GLP1R: variants seen among roughly 807,000 people sequenced by gnomAD.
GLP1R encodes glucagon like peptide 1 receptor, also known as glucagon-like peptide 1 receptor.
Under a neutral mutation model 68.4 loss-of-function variants are expected in GLP1R, and 32 were observed. The ratio of observed to expected loss-of-function variants is 0.47; its 90% confidence interval spans 0.35 to 0.63. The LOEUF (loss-of-function observed/expected upper bound fraction) is 0.63. GLP1R is among the 20% of genes least tolerant of loss of function. The probability of loss-of-function intolerance (pLI) is 0.00; values close to 1 mark genes in which losing one functional copy is unlikely to be tolerated. For synonymous variants in GLP1R, 263 were observed against 244.4 expected (o/e 1.08, Z -0.71); for missense variants, 502 against 594.9 (o/e 0.84, Z 1.62).
chr6:39,066,056 G>T, intron 4 of GLP1R, 141 bp from the exon 5 acceptor site: 1 of 624,964 alleles, frequency 1.6e-6, no homozygotes, highest in South Asian at 1.9e-5. Context: ...CGTAGGTTAC[G>T]GTTATTCTCT....
intron 1 of GLP1R, among the ~76,000 whole-genome samples, chr6:39,055,203 C>T (rs768902842): frequency 2.6e-5 from 4 of 152,132 alleles, no homozygotes; most frequent in African/African-American, 4.8e-5. Context: ...GTGCCCAGCA[C>T]GCTACAAGGC....
intron 11 of GLP1R, 97 bp from the exon 12 acceptor site, chr6:39,080,601 T>A: frequency 1.4e-6 from 1 of 706,810 alleles, no homozygotes; most frequent in Non-Finnish European, 2.4e-6. Flanking sequence ...GGGGAGGGGG[T>A]TGTTGAGGAT....
At chr6:39,059,989 C>G (rs979727383) in intron 3 of GLP1R, among the ~76,000 whole-genome samples, 9 of 152,150 alleles carry the variant, frequency 5.9e-5, no homozygotes, top group Non-Finnish European at 1.0e-4. Context: ...TTTCCCCAAC[C>G]CCGTCCCCCT....
chr6:39,056,340 G>A lies in GLP1R; in HGVS notation c.79-57G>A, dbSNP rs796827582. On this transcript the variant is annotated intron_variant, in intron 1 of 12. Transcript: ENST00000373256. ...GAAACCAAGTGTGTTAGGGGGTGAGGGGGCAGGAGAGGGGCTGGCTGAACC... is the reference window on the plus strand; with the variant it reads ...GAAACCAAGTGTGTTAGGGGGTGAGAGGGCAGGAGAGGGGCTGGCTGAACC... 2.2e-5 allele frequency: 19 copies of A among 870,170 alleles called. No homozygotes were observed. The African/African-American group carries it at 2.5e-4, about 11-fold the overall frequency. 53.9% of individuals were successfully genotyped at this position (870,170 alleles called of 1,614,324 possible).
At chr6:39,069,461 G>A (rs1376885276) in intron 5 of GLP1R, among the ~76,000 whole-genome samples, 6 of 152,134 alleles carry the variant, frequency 3.9e-5, no homozygotes, top group African/African-American at 9.6e-5. Flanking sequence ...GTGAAACCCC[G>A]TCTCTACTAA....
intron 1 of GLP1R, among the ~76,000 whole-genome samples, chr6:39,053,282 A>G (rs1768131379): frequency 6.6e-6 from 1 of 152,158 alleles, no homozygotes; most frequent in African/African-American, 2.4e-5. Flanking sequence ...GATGAAATGG[A>G]GGAGTGGGGG....
At position 39,054,368 on chromosome 6, in the gene GLP1R, C is replaced by T. The variant is rs114879263; in HGVS notation, c.79-2029C>T. On this transcript the variant is annotated intron_variant, in intron 1 of 12. Coordinates refer to ENST00000373256, the MANE Select transcript of GLP1R (RefSeq NM_002062.5). The stretch of plus-strand genomic sequence containing the variant: ...TGCCTGCAGGGGTGGGATGAAGGCT[C>T]GAAGGTATTTAGAAGCCCTGATCTG... 5.1e-3 allele frequency among the ~76,000 whole-genome samples: 768 copies of T among 152,048 alleles called. 6 individuals carry two copies. The highest frequency in any genetic ancestry group is 0.017 in the African/African-American group (697 of 41,450).
At chr6:39,071,345 CAAAAA>C (rs35740935) in intron 5 of GLP1R, among the ~76,000 whole-genome samples, 10 of 85,894 alleles carry the variant, frequency 1.2e-4, no homozygotes, top group South Asian at 4.3e-4. Flanking sequence ...GATTCCATCT[CAAAAA>C]AAAAAAAAAA....
intron 1 of GLP1R, among the ~76,000 whole-genome samples, chr6:39,052,495 G>T (rs1053469332): frequency 6.6e-6 from 1 of 152,120 alleles, no homozygotes; most frequent in African/African-American, 2.4e-5. Context: ...CCACCTCTGT[G>T]CCACCTCCTT....
Position 39,048,857 on chromosome 6 carries a change from GC to G in GLP1R, c.20del (p.Pro7ArgfsTer44). 6.7e-7 allele frequency: 1 copy of G among 1,493,082 alleles called. No individual in the cohort carries two copies. The highest frequency in any genetic ancestry group is 8.9e-7 in the Non-Finnish European group (1 of 1,123,088). The allele number at this position is 1,493,082 out of a possible 1,614,324, so 92.5% of individuals were successfully genotyped here. Reference sequence around the variant, plus strand: ...CTCCCCGCCATGGCCGGCGCCCCCGGCCCGCTGCGCCTTGCGCTGCTGCTGC... The same window carrying G: ...CTCCCCGCCATGGCCGGCGCCCCCGGCCGCTGCGCCTTGCGCTGCTGCTGC... MAGAP[G>X]PLRLALLLLG... On this transcript the variant is annotated frameshift_variant, in exon 1 of 13. Transcript: ENST00000373256. LOFTEE classifies it high-confidence loss of function.
At chr6:39,080,802 A>G (rs1354678059) in intron 12 of GLP1R, 63 bp downstream of exon 12, 1 of 995,708 alleles carries the variant, frequency 1.0e-6, no homozygotes, top group Non-Finnish European at 1.5e-6. Context: ...CGTCTGGAGT[A>G]GTACAATGGG....
At chr6:39,057,358 A>C in intron 2 of GLP1R, 114 bp from the exon 3 acceptor site, 1 of 691,638 alleles carries the variant, frequency 1.4e-6, no homozygotes, top group Non-Finnish European at 2.6e-6. Flanking sequence ...GTAAGCATTC[A>C]GCAGAGGTTA....
chr6:39,076,739 C>T (rs956469607), intron 7 of GLP1R, among the ~76,000 whole-genome samples: 1 of 152,156 alleles, frequency 6.6e-6, no homozygotes, highest in Non-Finnish European at 1.5e-5. Flanking sequence ...CTATCTCAGA[C>T]ACATCTCCAA....
chr6:39,080,562 T>C, intron 11 of GLP1R, 136 bp from the exon 12 acceptor site: 1 of 606,168 alleles, frequency 1.6e-6, no homozygotes, highest in African/African-American at 1.9e-5. Context: ...CACTGCCCCA[T>C]TCCTGGATCT....
Position 39,073,700 on chromosome 6 carries a change from T to C in GLP1R, c.754T>C (p.Tyr252His), listed in dbSNP as rs1768733941. ...GCTCTTGGTGGAGGGCGTGTACCTG[T>C]ACACACTGCTGGCCTTCTCGGTCTT... ...YWLLVEGVYL[Y>H]TLLAFSVLSE... is the part of the protein sequence containing the mutation. The change falls in exon 7 of 13, where the codon TAC becomes CAC. Residue 252 changes from tyrosine (Y) to histidine (H), a missense_variant. Physicochemically the swap from Tyr to His is moderately conservative, Grantham distance 83 (BLOSUM62 2). Transcript: ENST00000373256. 1 of 1,613,828 alleles carries C rather than the reference T, an allele frequency of 6.2e-7. No homozygotes were observed.
chr6:39,068,721 A>C (rs1768583834), intron 5 of GLP1R, among the ~76,000 whole-genome samples: 1 of 152,146 alleles, frequency 6.6e-6, no homozygotes, highest in African/African-American at 2.4e-5. Context: ...GGAGCACTGC[A>C]CCCAAGTGTA....
chr6:39,068,316 G>T (rs1768570970), intron 5 of GLP1R, among the ~76,000 whole-genome samples: 1 of 152,170 alleles, frequency 6.6e-6, no homozygotes, highest in African/African-American at 2.4e-5. Context: ...GCACAGCTTT[G>T]CTGGGTTCAG....
chr6:39,074,477 C>T, intron 7 of GLP1R: 1 of 152,308 alleles, frequency 6.6e-6, no homozygotes, highest in Non-Finnish European at 1.5e-5. Context: ...GGAAAACATG[C>T]AACAGGCCTT....
chr6:39,065,841 CG>C lies in GLP1R; in HGVS notation c.402+16del, dbSNP rs766167502. On this transcript the variant is annotated intron_variant, in intron 4 of 12. Coordinates refer to ENST00000373256, the MANE Select transcript of GLP1R (RefSeq NM_002062.5). Reference sequence around the variant, plus strand: ...AGCGAGGGGAAAGAGTGAGTTGAGGCGGGGTTCTGAGCCAGGGAGCGGGGAG... The same window carrying C: ...AGCGAGGGGAAAGAGTGAGTTGAGGCGGGTTCTGAGCCAGGGAGCGGGGAG... The C allele has an allele frequency of 2.0e-6, 3 of 1,522,486 alleles. No individual in the cohort carries two copies. Among genetic ancestry groups the C allele is most frequent in the East Asian group, 2.3e-5 (1 of 44,222 alleles). 94.3% of individuals were successfully genotyped at this position (1,522,486 alleles called of 1,614,324 possible).
Sources: allele counts gnomAD v4.1 joint callset (sites outside exome capture counted in the v4.1 genomes callset), GRCh38; gene constraint gnomAD v4.1.1; transcripts MANE v1.5; gene names NCBI Gene and HGNC (gene_info 2026-07-23, HGNC 2026-07-21).